SLC26A11: variants seen among roughly 807,000 people sequenced by gnomAD.
The protein encoded by SLC26A11 is solute carrier family 26 member 11.
SLC26A11 carries 58 observed loss-of-function variants against 62.2 expected under a neutral mutation model. That is an observed-to-expected ratio of 0.93 (90% CI 0.76 to 1.16). The LOEUF is 1.16. Among genes scored for constraint, SLC26A11 ranks in the 50% most tolerant of loss-of-function variants. SLC26A11 has a pLI of 0.00. For synonymous variants in SLC26A11, 411 were observed against 368.9 expected (o/e 1.11, Z -1.31); for missense variants, 790 against 794.3 (o/e 0.99, Z 0.06).
chr17:80,221,312 G>A (rs2042176303), intron 2 of SLC26A11, 197 bp downstream of exon 2: 1 of 466,646 alleles, frequency 2.1e-6, no homozygotes, highest in Admixed American at 4.6e-5. Context: ...AAGGCACCCA[G>A]GATTTGCACG....
chr17:80,242,568 G>T (rs1320759122), intron 10 of SLC26A11, among the ~76,000 whole-genome samples: 1 of 152,232 alleles, frequency 6.6e-6, no homozygotes, highest in East Asian at 1.9e-4. Flanking sequence ...CCAGGCAGGG[G>T]CAGGTGGATT....
intron 16 of SLC26A11, 77 bp downstream of exon 16, chr17:80,249,364 T>A: frequency 6.4e-7 from 1 of 1,561,070 alleles, no homozygotes; most frequent in Non-Finnish European, 8.7e-7. Flanking sequence ...ATGGCGAATG[T>A]GACATCTCTG....
intron 3 of SLC26A11, 167 bp downstream of exon 3, chr17:80,221,961 A>T: frequency 1.4e-6 from 1 of 710,952 alleles, no homozygotes; most frequent in Non-Finnish European, 2.3e-6. Flanking sequence ...CCAGGCTCCT[A>T]TGCCTGTTTG....
chr17:80,249,763 A>G (rs144673026), intron 16 of SLC26A11, among the ~76,000 whole-genome samples: 104 of 151,744 alleles, frequency 6.9e-4, no homozygotes, highest in African/African-American at 2.5e-3. Flanking sequence ...AAAAAAAACT[A>G]GTCAGGTGTG....
In SLC26A11 at chr17:80,223,360, G is replaced by T; in HGVS notation, c.513+23G>T. 2 of 1,611,766 alleles carry T rather than the reference G, an allele frequency of 1.2e-6. No individual in the cohort carries two copies. The highest frequency in any genetic ancestry group is 1.1e-5 in the South Asian group (1 of 90,974). ...AAGGTAGGCACGGCGCCCACCCAGG[G>T]CACTGCTCTTTGGCCACTGCTCGTT... On this transcript the variant is annotated intron_variant, in intron 5 of 17. Coordinates refer to ENST00000361193, the MANE Select transcript of SLC26A11 (RefSeq NM_001166347.2). This position sits in a 1 kb window ranked among gnomAD's most constrained non-coding sequence, Gnocchi z 4.6.
At chr17:80,229,440 G>T (rs7406348) in intron 7 of SLC26A11, among the ~76,000 whole-genome samples, 74,585 of 151,508 alleles carry the variant, frequency 0.49, 19,350 homozygotes, top group East Asian at 0.97. Context: ...TTGTTTTTTG[G>T]TTTTTTTTGG....
chr17:80,222,508 AG>A lies in SLC26A11; in HGVS notation c.235-145del. ...AAAAAAGTGGCCTCCTGATCACTGC[AG>A]GTCCACCCACAGGGCAGGGCGGTGC... On this transcript the variant is annotated intron_variant, in intron 3 of 17. Coordinates refer to ENST00000361193, the MANE Select transcript of SLC26A11 (RefSeq NM_001166347.2). The surrounding 1 kb of genome is among the most constrained non-coding windows in gnomAD (Gnocchi z 4.7). 3 of 780,450 alleles carry A rather than the reference AG, an allele frequency of 3.8e-6. No homozygotes were observed. The allele number at this position is 780,450 out of a possible 1,614,324, so 48.3% of individuals were successfully genotyped here.
intron 15 of SLC26A11, 62 bp downstream of exon 15, chr17:80,248,736 T>G: frequency 6.8e-7 from 1 of 1,467,170 alleles, no homozygotes; most frequent in Non-Finnish European, 9.3e-7. Context: ...CCCCACTCCC[T>G]GCTGTTCAGG....
At chr17:80,234,307 A>T (rs2042636553) in intron 7 of SLC26A11, among the ~76,000 whole-genome samples, 1 of 152,206 alleles carries the variant, frequency 6.6e-6, no homozygotes, top group African/African-American at 2.4e-5. Context: ...GCCTGGCCTC[A>T]GGACTTTAAA....
At chr17:80,226,782 G>C (rs1021020395) in intron 6 of SLC26A11, among the ~76,000 whole-genome samples, 11 of 152,248 alleles carry the variant, frequency 7.2e-5, no homozygotes, top group African/African-American at 2.7e-4. Context: ...AAGGCAGGAT[G>C]CCTCTCTACC....
rs1368361798 is a variant in SLC26A11, at chr17:80,228,427, C to T, written c.736+467C>T. ...GGATTACAGGCATGAGCCACCGCCC[C>T]GACCCAAACTCTAGAACATTTAAAA... On this transcript the variant is annotated intron_variant, in intron 7 of 17. Coordinates refer to ENST00000361193, the MANE Select transcript of SLC26A11 (RefSeq NM_001166347.2). The surrounding 1 kb of genome is among the most constrained non-coding windows in gnomAD (Gnocchi z 4.1). Among the ~76,000 whole-genome samples, 2 of 152,206 alleles carry T rather than the reference C, an allele frequency of 1.3e-5. No homozygotes were observed. The highest frequency in any genetic ancestry group is 2.4e-5 in the African/African-American group (1 of 41,454).
chr17:80,224,670 C>T (rs1410431781), intron 5 of SLC26A11, among the ~76,000 whole-genome samples: 1 of 152,144 alleles, frequency 6.6e-6, no homozygotes. Context: ...GTTAGCTTGG[C>T]AAATGCTGTT....
rs56734753 is a variant in SLC26A11 at position 80,224,166 on chromosome 17, G to GGAGAGTGTGTGTGAGA, written c.513+831_513+846dup. On this transcript the variant is annotated intron_variant, in intron 5 of 17. Coordinates refer to ENST00000361193, the MANE Select transcript of SLC26A11 (RefSeq NM_001166347.2). ...AGGTACCATGAGAAGACCAAGGACA[G>GGAGAGTGTGTGTGAGA]GAGAGTGTGTGTGAGAGTGTGTATG... Among the ~76,000 whole-genome samples, 596 of 150,644 alleles carry GGAGAGTGTGTGTGAGA rather than the reference G, an allele frequency of 4.0e-3. 4 individuals are homozygous for GGAGAGTGTGTGTGAGA. Among genetic ancestry groups the GGAGAGTGTGTGTGAGA allele is most frequent in the African/African-American group, 0.014 (578 of 40,928 alleles).
intron 14 of SLC26A11, 135 bp from the exon 15 acceptor site, chr17:80,248,440 G>A (rs2043066733): frequency 2.4e-6 from 3 of 1,246,350 alleles, no homozygotes; most frequent in South Asian, 1.5e-5. Flanking sequence ...GGGGCCATGG[G>A]GGTCTCCCCT....
chr17:80,244,441 T>C (rs1376120277), intron 10 of SLC26A11, among the ~76,000 whole-genome samples: 1 of 152,200 alleles, frequency 6.6e-6, no homozygotes, highest in East Asian at 1.9e-4. Context: ...TTACGGGCAC[T>C]TTATCTCAGC....
rs753351051 is a variant in SLC26A11, at chr17:80,221,545, C to T, written c.-13-3C>T. ...GCTGGTCTGTGTCACCTGCACCCCC[C>T]AGCCCCACCGTAGAGATGCCTTCTT... is the stretch of plus-strand genomic sequence containing the variant. On this transcript the variant is annotated splice_polypyrimidine_tract_variant and splice_region_variant and intron_variant, in intron 2 of 17. Coordinates refer to ENST00000361193, the MANE Select transcript of SLC26A11 (RefSeq NM_001166347.2). 14 of 1,558,920 alleles carry T rather than the reference C, an allele frequency of 9.0e-6. No homozygotes were observed. In the East Asian group the frequency reaches 3.2e-4, roughly 36 times the overall value.
chr17:80,249,419 C>A, intron 16 of SLC26A11, 132 bp downstream of exon 16: 1 of 1,249,340 alleles, frequency 8.0e-7, no homozygotes, highest in Non-Finnish European at 1.1e-6. Flanking sequence ...GGCTCTGCTT[C>A]TGATTTAAAC....
At chr17:80,230,969 G>A (rs779822444) in intron 7 of SLC26A11, among the ~76,000 whole-genome samples, 6 of 151,964 alleles carry the variant, frequency 3.9e-5, no homozygotes, top group Admixed American at 6.6e-5. Flanking sequence ...CACCCGAGTC[G>A]TCTGTCTTTT....
rs2043004430 is a variant in SLC26A11, at chr17:80,246,591, C to G, written c.1236C>G (p.Ile412Met). The G allele has an allele frequency of 1.9e-6, 3 of 1,613,926 alleles. No homozygotes were observed. Among genetic ancestry groups the G allele is most frequent in the African/African-American group, 1.3e-5 (1 of 74,944 alleles). Residue 412 changes from isoleucine (I) to methionine (M), a missense_variant, in exon 13 of 18, where the codon ATC becomes ATG. Coordinates refer to ENST00000361193, the MANE Select transcript of SLC26A11 (RefSeq NM_001166347.2). This position sits in a 1 kb window ranked among gnomAD's most constrained non-coding sequence, Gnocchi z 4.4. ...IPKSALAAVI[I>M]MAVAPLFDTK... ...AGTCTGCCCTGGCTGCCGTCATCAT[C>G]ATGGCCGTGGCCCCGCTGTTCGACA...
Sources: gnomAD v4.1 joint callset for allele counts (sites outside exome capture counted in the v4.1 genomes callset) on GRCh38, gnomAD v4.1.1 for gene constraint, Gnocchi (gnomAD v3.1) non-coding constraint, MANE v1.5 for transcripts, NCBI Gene and HGNC (gene_info 2026-07-23, HGNC 2026-07-21) for gene names.